Variants in ERI1 observed in about 807,000 individuals in gnomAD.
The protein encoded by ERI1 is 3'-5' exoribonuclease 1.
ERI1 carries 39 observed loss-of-function variants against 39.7 expected under a neutral mutation model. That is an observed-to-expected ratio of 0.98 (90% confidence interval 0.76 to 1.28). The LOEUF (loss-of-function observed/expected upper bound fraction) is 1.28, where lower values mean the gene tolerates loss of function less well. Ranked by LOEUF, ERI1 falls within the 50% of genes most tolerant of loss-of-function variation. ERI1 has a pLI of 0.00. For synonymous variants in ERI1, 204 were observed against 149.6 expected (o/e 1.36, Z -2.65); for missense variants, 581 against 416.9 (o/e 1.39, Z -3.43).
intron 3 of ERI1, among the ~76,000 whole-genome samples, chr8:9,078,392 AG>A (rs1172609020): frequency 6.6e-6 from 1 of 152,078 alleles, no homozygotes; most frequent in Non-Finnish European, 1.5e-5. Context: ...CTGGGAGAGT[AG>A]TATTCCCATT....
At chr8:9,018,266 A>G in intron 4 of ERI1, 31 bp from the exon 5 acceptor site, 1 of 1,391,860 alleles carries the variant, frequency 7.2e-7, no homozygotes, top group Non-Finnish European at 1.0e-6. Context: ...TGCAGCCCTG[A>G]TTTTTGTATA....
rs1001212885 is a variant in ERI1, at chr8:9,031,696, A to C, written c.*1662A>C. The C allele has an allele frequency of 6.6e-6, 1 of 152,200 alleles. No individual in the cohort carries two copies. Among genetic ancestry groups the C allele is most frequent in the Non-Finnish European group, 1.5e-5 (1 of 68,034 alleles). 9.4% of individuals were successfully genotyped at this position (152,200 alleles called of 1,614,324 possible). ...CCTGTTTTCACTTTCGCCAAGTACCAACAAGCTCATGTTGTATTTCTTTTT... is the reference window on the plus strand; with the variant it reads ...CCTGTTTTCACTTTCGCCAAGTACCCACAAGCTCATGTTGTATTTCTTTTT... On this transcript the variant is annotated 3_prime_UTR_variant, in exon 7 of 7. Transcript: ENST00000250263.
intron 2 of ERI1, 141 bp downstream of exon 2, chr8:9,008,289 C>T (rs1178900708): frequency 4.0e-6 from 3 of 741,676 alleles, no homozygotes; most frequent in African/African-American, 1.8e-5. Context: ...AACTAATTAA[C>T]ATTTTTTATG....
chr8:9,041,148 A>G (rs1172315560), intron 3 of ERI1, among the ~76,000 whole-genome samples: 1 of 152,244 alleles, frequency 6.6e-6, no homozygotes, highest in Non-Finnish European at 1.5e-5. Flanking sequence ...ACTTTTGTTC[A>G]TTCTGTGTGT....
At position 9,004,166 on chromosome 8, in the gene ERI1, G is replaced by C. The variant is rs761188228; in HGVS notation, c.108+995G>C. The C allele has an allele frequency of 5.4e-6, 7 of 1,288,726 alleles. No individual in the cohort carries two copies. In the South Asian group the frequency reaches 8.6e-5, roughly 16 times the overall value. The allele number at this position is 1,288,726 out of a possible 1,614,324, so 79.8% of individuals were successfully genotyped here. A position where few individuals can be genotyped will look rare whatever the true frequency, so the allele number is the denominator to read the frequency against. ...TTTTGCCCTGTGTGCACTTCCTTTGGATCCTTGCAATTATCTTTCTCCTTC... is the reference window on the plus strand; with the variant it reads ...TTTTGCCCTGTGTGCACTTCCTTTGCATCCTTGCAATTATCTTTCTCCTTC... On this transcript the variant is annotated intron_variant, in intron 1 of 6. Transcript: ENST00000250263.
chr8:9,090,821 G>A (rs1383060662), intron 3 of ERI1, among the ~76,000 whole-genome samples: 1 of 152,136 alleles, frequency 6.6e-6, no homozygotes. Flanking sequence ...CAGTATAATT[G>A]CAATTTGAGA....
At chr8:9,091,372 T>A (rs1799698482) in intron 3 of ERI1, 1 of 152,024 alleles carries the variant, frequency 6.6e-6, no homozygotes, top group African/African-American at 2.4e-5. Flanking sequence ...AATACAAAAA[T>A]TAGCTGGGTG....
chr8:9,023,368 T>C (rs546068610), intron 6 of ERI1, among the ~76,000 whole-genome samples: 1 of 152,306 alleles, frequency 6.6e-6, no homozygotes, highest in African/African-American at 2.4e-5. Context: ...GGTTCTTTTT[T>C]TGCTACAACT....
chr8:9,066,028 C>G (rs1028990643), intron 3 of ERI1, among the ~76,000 whole-genome samples: 1 of 152,002 alleles, frequency 6.6e-6, no homozygotes, highest in African/African-American at 2.4e-5. Flanking sequence ...TGCTGCCTGG[C>G]TATCCTCCTC....
chr8:9,029,537 G>A lies in ERI1; in HGVS notation c.808-255G>A, dbSNP rs574522389. On this transcript the variant is annotated intron_variant, in intron 6 of 6. Coordinates refer to ENST00000250263, the MANE Select transcript of ERI1 (RefSeq NM_153332.4). ...GAAGAGATGGGGTGTCACCATGTTCGCCAGGCTGGTCTCATACTCCTGACC... is the reference window on the plus strand; with the variant it reads ...GAAGAGATGGGGTGTCACCATGTTCACCAGGCTGGTCTCATACTCCTGACC... Among the ~76,000 whole-genome samples the A allele has an allele frequency of 3.9e-5, 6 of 152,158 alleles. 1 individual carries two copies. The highest frequency in any genetic ancestry group is 7.2e-5 in the African/African-American group (3 of 41,514).
At chr8:9,049,947 C>G (rs1376000269) in intron 3 of ERI1, 2 of 152,200 alleles carry the variant, frequency 1.3e-5, no homozygotes, top group African/African-American at 2.4e-5. Context: ...GAGTTCCTCC[C>G]TCTGTTGATT....
In ERI1 at chr8:9,020,331, G is replaced by A. The variant is rs746435560; in HGVS notation, c.693-19G>A. 2 of 1,408,210 alleles carry A rather than the reference G, an allele frequency of 1.4e-6. No individual in the cohort carries two copies. The highest frequency in any genetic ancestry group is 1.9e-6 in the Non-Finnish European group (2 of 1,034,852). 87.2% of individuals were successfully genotyped at this position (1,408,210 alleles called of 1,614,324 possible). ...ATAGCGTTTATTTCATCAATTTTTT[G>A]TCCTTTTTTAATTTATAGTTCTTGG... On this transcript the variant is annotated intron_variant, in intron 5 of 6. Transcript: ENST00000250263.
chr8:9,079,854 A>G (rs577614636), intron 3 of ERI1, among the ~76,000 whole-genome samples: 7 of 152,166 alleles, frequency 4.6e-5, no homozygotes, highest in African/African-American at 1.7e-4. Flanking sequence ...TATTTTTTGT[A>G]GACACGAGGT....
chr8:9,061,093 G>C (rs1409878391), intron 3 of ERI1, among the ~76,000 whole-genome samples: 1 of 152,182 alleles, frequency 6.6e-6, no homozygotes, highest in Non-Finnish European at 1.5e-5. Context: ...GTAATGGAGG[G>C]GAGCGGAGCG....
At chr8:9,017,380 A>C (rs143097749) in intron 4 of ERI1, among the ~76,000 whole-genome samples, 1 of 152,192 alleles carries the variant, frequency 6.6e-6, no homozygotes, top group East Asian at 1.9e-4. Context: ...ATTGTATTCT[A>C]ATGTGGTAGG....
chr8:9,022,598 C>A (rs961344232), intron 6 of ERI1, among the ~76,000 whole-genome samples: 1 of 152,076 alleles, frequency 6.6e-6, no homozygotes, highest in Non-Finnish European at 1.5e-5. Context: ...CGGGGTTTCG[C>A]CATGTTGGTG....
At chr8:9,095,518 G>A (rs1461954516) in intron 3 of ERI1, among the ~76,000 whole-genome samples, 1 of 151,666 alleles carries the variant, frequency 6.6e-6, no homozygotes, top group Non-Finnish European at 1.5e-5. Flanking sequence ...TTGTTTGTTT[G>A]TTTTTGAGAT....
chr8:9,090,936 G>C (rs1302177657), intron 3 of ERI1, among the ~76,000 whole-genome samples: 1 of 152,134 alleles, frequency 6.6e-6, no homozygotes, highest in East Asian at 1.9e-4. Flanking sequence ...TTTTTATAGT[G>C]TGTAATATTA....
At chr8:9,053,983 TA>T (rs978555056) in intron 3 of ERI1, among the ~76,000 whole-genome samples, 8 of 152,228 alleles carry the variant, frequency 5.3e-5, no homozygotes, top group African/African-American at 1.2e-4. Flanking sequence ...ATGTCTGTGA[TA>T]GGGGGGTAAA....
Sources: gnomAD v4.1 joint callset for allele counts (sites outside exome capture counted in the v4.1 genomes callset) on GRCh38, gnomAD v4.1.1 for gene constraint, MANE v1.5 for transcripts, NCBI Gene and HGNC (gene_info 2026-07-23, HGNC 2026-07-21) for gene names.